The following RBFOX1 variants were observed in gnomAD, a reference collection of about 807,000 sequenced individuals.
The protein encoded by RBFOX1 is RNA binding fox-1 homolog 1, also known as RNA binding protein fox-1 homolog 1.
RBFOX1 carries 8 observed loss-of-function variants against 57.7 expected under a neutral mutation model. That is an observed-to-expected ratio of 0.14 (90% CI 0.08 to 0.25). RBFOX1 has a LOEUF of 0.25. RBFOX1 is among the 10% of genes least tolerant of loss of function. The pLI is 1.00. For missense variants in RBFOX1, 611 were observed against 548.5 expected (o/e 1.11, Z -1.14); for synonymous variants, 326 against 222.4 (o/e 1.47, Z -4.15).
At chr16:7,471,059 A>T (rs958240555) in intron 4 of RBFOX1, among the ~76,000 whole-genome samples, 1 of 152,220 alleles carries the variant, frequency 6.6e-6, no homozygotes, top group African/African-American at 2.4e-5. Flanking sequence ...AGGAGAAAAT[A>T]AGGAATAAAA....
rs145551179 is a variant in RBFOX1 at position 7,570,277 on chromosome 16, A to G, written c.271-9500A>G. Among the ~76,000 whole-genome samples the G allele has an allele frequency of 3.5e-3, 532 of 152,124 alleles. 2 individuals carry two copies. Among genetic ancestry groups the G allele is most frequent in the African/African-American group, 0.012 (507 of 41,488 alleles). On this transcript the variant is annotated intron_variant, in intron 5 of 15. Transcript: ENST00000550418. ...AGTCCTTCACCAGCATCCTTGAGCT[A>G]TATCTAATGCTGTGTGATGAGTGCA...
intron 4 of RBFOX1, among the ~76,000 whole-genome samples, chr16:7,087,569 GGAGAGAGGGAGGGAGGGAGGGGGA>G (rs1432318906): frequency 2.7e-5 from 4 of 150,940 alleles, no homozygotes; most frequent in Non-Finnish European, 5.9e-5. Flanking sequence ...AGAGAAGGAG[GGAGAGAGGGAGGGAGGGAGGGGGA>G]GAGAGAGGGA....
At chr16:6,565,768 C>G (rs968455634) in intron 2 of RBFOX1, among the ~76,000 whole-genome samples, 1 of 152,184 alleles carries the variant, frequency 6.6e-6, no homozygotes, top group Non-Finnish European at 1.5e-5. Flanking sequence ...GCACCCAGCT[C>G]ACTTTTTCTT....
At chr16:7,175,826 A>G (rs1448785941) in intron 4 of RBFOX1, among the ~76,000 whole-genome samples, 1 of 152,190 alleles carries the variant, frequency 6.6e-6, no homozygotes, top group Non-Finnish European at 1.5e-5. Context: ...GGGTTGCAGT[A>G]ATCTAGGAAA....
At chr16:6,984,605 G>A (rs1357629360) in intron 3 of RBFOX1, among the ~76,000 whole-genome samples, 1 of 152,046 alleles carries the variant, frequency 6.6e-6, no homozygotes, top group Non-Finnish European at 1.5e-5. Context: ...CAGAATCTTA[G>A]CTCTGCCCAG....
chr16:6,745,570 A>G (rs2073391752), intron 3 of RBFOX1, among the ~76,000 whole-genome samples: 1 of 152,246 alleles, frequency 6.6e-6, no homozygotes, highest in Non-Finnish European at 1.5e-5. Flanking sequence ...TAATAGATGC[A>G]GAAAAGGCAT....
At chr16:5,976,328 A>G (rs566764863) in intron 4 of RBFOX1, among the ~76,000 whole-genome samples, 1 of 152,324 alleles carries the variant, frequency 6.6e-6, no homozygotes, top group South Asian at 2.1e-4. Flanking sequence ...AAAAGCTCAC[A>G]TAGACTCCTT....
chr16:7,529,707 A>T (rs1043999058), intron 5 of RBFOX1, among the ~76,000 whole-genome samples: 1 of 152,098 alleles, frequency 6.6e-6, no homozygotes, highest in Non-Finnish European at 1.5e-5. Flanking sequence ...TTAATCTTGG[A>T]AACTCAAGAG....
intron 1 of RBFOX1, among the ~76,000 whole-genome samples, chr16:6,201,070 GT>G (rs2097212040): frequency 6.6e-6 from 1 of 151,590 alleles, no homozygotes; most frequent in East Asian, 1.9e-4. Flanking sequence ...GTCTTTCTGT[GT>G]CTGGCTTATT....
intron 4 of RBFOX1, among the ~76,000 whole-genome samples, chr16:7,071,894 C>T (rs916866188): frequency 5.3e-5 from 8 of 152,028 alleles, no homozygotes; most frequent in African/African-American, 4.8e-5. Context: ...TTGTTGAGAC[C>T]AGAAGCTCAG....
At chr16:6,112,249 G>T (rs571054973) in intron 1 of RBFOX1, among the ~76,000 whole-genome samples, 1 of 152,278 alleles carries the variant, frequency 6.6e-6, no homozygotes, top group East Asian at 1.9e-4. Flanking sequence ...TAGGAATTGA[G>T]AACAGTGTCT....
intron 2 of RBFOX1, among the ~76,000 whole-genome samples, chr16:6,500,874 T>A (rs1375824350): frequency 1.4e-5 from 2 of 146,310 alleles, no homozygotes; most frequent in Non-Finnish European, 3.0e-5. Context: ...CCTTGGGGAG[T>A]AGTTTTTTTT....
At chr16:6,960,571 C>G (rs369648494) in intron 3 of RBFOX1, among the ~76,000 whole-genome samples, 1 of 152,044 alleles carries the variant, frequency 6.6e-6, no homozygotes, top group African/African-American at 2.4e-5. Flanking sequence ...CCCCTGTGCC[C>G]TTCTTACCTC....
chr16:6,929,378 C>A (rs1173635947), intron 3 of RBFOX1, among the ~76,000 whole-genome samples: 1 of 152,124 alleles, frequency 6.6e-6, no homozygotes, highest in Admixed American at 6.5e-5. Flanking sequence ...TGCACGTCAC[C>A]ATTGTCAAAA....
At chr16:7,676,909 G>A in intron 14 of RBFOX1, 71 bp downstream of exon 14, 2 of 1,459,866 alleles carry the variant, frequency 1.4e-6, no homozygotes, top group South Asian at 2.3e-5. Context: ...GGAGATTCTT[G>A]TATGGTCTTG....
At chr16:5,650,846 A>T (rs2049212236) in intron 3 of RBFOX1, among the ~76,000 whole-genome samples, 1 of 152,046 alleles carries the variant, frequency 6.6e-6, no homozygotes, top group Non-Finnish European at 1.5e-5. Flanking sequence ...GCGACGGGTC[A>T]TGAAGACAGG....
intron 4 of RBFOX1, among the ~76,000 whole-genome samples, chr16:7,442,785 G>C (rs906512193): frequency 1.3e-5 from 2 of 152,156 alleles, no homozygotes; most frequent in Admixed American, 6.6e-5. Context: ...GACGTCGATC[G>C]TCACCCACCA....
intron 2 of RBFOX1, among the ~76,000 whole-genome samples, chr16:6,472,069 G>A (rs545298124): frequency 6.6e-6 from 1 of 151,764 alleles, no homozygotes; most frequent in Non-Finnish European, 1.5e-5. Flanking sequence ...ATACTGTTTC[G>A]CTGACTAGTC....
intron 3 of RBFOX1, among the ~76,000 whole-genome samples, chr16:5,710,342 A>G (rs915991368): frequency 7.9e-5 from 12 of 152,098 alleles, no homozygotes; most frequent in African/African-American, 2.9e-4. Context: ...CTCTCTGTTA[A>G]ATGTAGGGAT....
Sources: gnomAD v4.1 joint callset for allele counts (sites outside exome capture counted in the v4.1 genomes callset) on GRCh38, gnomAD v4.1.1 for gene constraint, MANE v1.5 for transcripts, NCBI Gene and HGNC (gene_info 2026-07-23, HGNC 2026-07-21) for gene names.